The following GRID2 variants were observed in gnomAD, a reference collection of about 807,000 sequenced individuals.
The protein encoded by GRID2 is glutamate receptor ionotropic, delta-2.
A neutral mutation model predicts 114.8 loss-of-function variants in GRID2; 33 were observed. The observed-to-expected ratio is 0.29, with a 90% CI of 0.22 to 0.38. GRID2 has a LOEUF of 0.38. Among genes scored for constraint, GRID2 ranks in the 10% least tolerant of loss-of-function variants. GRID2 has a pLI of 1.00. For missense variants in GRID2, 1,184 were observed against 1,257.7 expected (o/e 0.94, Z 0.89); for synonymous variants, 505 against 449.9 (o/e 1.12, Z -1.55).
chr4:93,768,769 C>T lies in GRID2; in HGVS notation c.2361-441C>T, dbSNP rs370306978. On this transcript the variant is annotated intron_variant, in intron 14 of 15. Transcript: ENST00000282020. ...CAGCATCTTGCTCTAAGCAGCAAAA[C>T]GTTCTTCATAAAAGCATTAAGATCC... Among the ~76,000 whole-genome samples the T allele has an allele frequency of 1.0e-3, 152 of 152,244 alleles. 3 individuals are homozygous for T. In the South Asian group the frequency reaches 0.029, roughly 29 times the overall value.
chr4:92,436,598 A>G (rs952347769), intron 1 of GRID2, among the ~76,000 whole-genome samples: 3 of 152,082 alleles, frequency 2.0e-5, no homozygotes, highest in Non-Finnish European at 4.4e-5. Context: ...GATAGTCTTG[A>G]ACAAGTGCTA....
chr4:93,730,744 G>A lies in GRID2; in HGVS notation c.2361-38466G>A, dbSNP rs1408353481. ...TGGAAAAGTACTGAGTACTGAGTCA[G>A]AGTAGGGACAAATGTCAAGTTTTTC... On this transcript the variant is annotated intron_variant, in intron 14 of 15. Coordinates refer to ENST00000282020, the MANE Select transcript of GRID2 (RefSeq NM_001510.4). Among the ~76,000 whole-genome samples the A allele has an allele frequency of 2.4e-4, 37 of 152,252 alleles. 1 individual carries two copies. The highest frequency in any genetic ancestry group is 1.5e-5 in the Non-Finnish European group (1 of 68,054).
At chr4:93,646,675 G>A (rs1014778726) in intron 14 of GRID2, among the ~76,000 whole-genome samples, 1 of 152,232 alleles carries the variant, frequency 6.6e-6, no homozygotes, top group Admixed American at 6.5e-5. Context: ...AGTAAGAGAA[G>A]TTAGGAAGCC....
chr4:92,881,469 A>C (rs1037840868), intron 2 of GRID2, among the ~76,000 whole-genome samples: 1 of 152,212 alleles, frequency 6.6e-6, no homozygotes, highest in African/African-American at 2.4e-5. Flanking sequence ...AATTAGTGCA[A>C]TATAAAGACA....
intron 6 of GRID2, among the ~76,000 whole-genome samples, chr4:93,220,834 A>G (rs902175637): frequency 2.0e-5 from 3 of 152,180 alleles, no homozygotes; most frequent in African/African-American, 4.8e-5. Context: ...TATTTTTAAA[A>G]CGTCTATCAC....
At chr4:93,584,909 T>C (rs1169136185) in intron 13 of GRID2, among the ~76,000 whole-genome samples, 1 of 152,096 alleles carries the variant, frequency 6.6e-6, no homozygotes, top group Non-Finnish European at 1.5e-5. Context: ...TGCCCTTGAT[T>C]GATGAGAGGA....
intron 9 of GRID2, among the ~76,000 whole-genome samples, chr4:93,402,651 T>C (rs1766009606): frequency 6.6e-6 from 1 of 152,080 alleles, no homozygotes; most frequent in South Asian, 2.1e-4. Context: ...CCACAGGAAC[T>C]CTTCTGCCAG....
intron 13 of GRID2, among the ~76,000 whole-genome samples, chr4:93,612,768 G>A (rs2149666703): frequency 1.1e-5 from 1 of 90,630 alleles, no homozygotes; most frequent in East Asian, 2.5e-4. Flanking sequence ...TTCAACTTTG[G>A]TGAATCTGAC....
At chr4:93,437,681 A>G (rs1721226728) in intron 10 of GRID2, among the ~76,000 whole-genome samples, 1 of 152,106 alleles carries the variant, frequency 6.6e-6, no homozygotes, top group African/African-American at 2.4e-5. Flanking sequence ...ACTGCAATAT[A>G]CTGTACAGTC....
At chr4:92,586,355 T>TACACAC (rs200184543) in intron 1 of GRID2, among the ~76,000 whole-genome samples, 26 of 146,010 alleles carry the variant, frequency 1.8e-4, no homozygotes, top group South Asian at 2.2e-4. Context: ...ACAAAAAATC[T>TACACAC]ACACACACAC....
intron 2 of GRID2, among the ~76,000 whole-genome samples, chr4:92,976,704 C>G (rs966596960): frequency 6.6e-6 from 1 of 152,054 alleles, no homozygotes; most frequent in African/African-American, 2.4e-5. Context: ...TATACTTCTC[C>G]CTATATTAGC....
At chr4:92,411,692 A>G (rs1482440684) in intron 1 of GRID2, among the ~76,000 whole-genome samples, 1 of 108,222 alleles carries the variant, frequency 9.2e-6, no homozygotes, top group African/African-American at 4.0e-5. Flanking sequence ...ATATACCCAC[A>G]GTGTATTTCT....
Position 92,500,394 on chromosome 4 carries a change from A to ATTT in GRID2, c.89-89737_89-89736insTTT, listed in dbSNP as rs796741713. 7.7e-3 allele frequency among the ~76,000 whole-genome samples: 1,170 copies of ATTT among 152,252 alleles called. 11 individuals carry two copies. The highest frequency in any genetic ancestry group is 0.026 in the African/African-American group (1,069 of 41,546). ...ACAAAAGTTAAATTCTTTTAAAAAAAAACATATTTTTATTCACATTCCTTT... is the reference window on the plus strand; with the variant it reads ...ACAAAAGTTAAATTCTTTTAAAAAAATTTAACATATTTTTATTCACATTCCTTT... On this transcript the variant is annotated intron_variant, in intron 1 of 15. Transcript: ENST00000282020.
intron 2 of GRID2, among the ~76,000 whole-genome samples, chr4:92,760,253 A>AG (rs1737933100): frequency 6.6e-6 from 1 of 151,232 alleles, no homozygotes; most frequent in African/African-American, 2.4e-5. Flanking sequence ...AAAAAAAAAA[A>AG]AAAAAAAAGA....
At chr4:93,657,249 G>C (rs1318535329) in intron 14 of GRID2, among the ~76,000 whole-genome samples, 1 of 151,788 alleles carries the variant, frequency 6.6e-6, no homozygotes, top group Non-Finnish European at 1.5e-5. Context: ...TTTGTATATT[G>C]GTAGAAACTC....
At chr4:93,032,021 C>G (rs1177098635) in intron 2 of GRID2, among the ~76,000 whole-genome samples, 2 of 152,034 alleles carry the variant, frequency 1.3e-5, no homozygotes, top group African/African-American at 4.8e-5. Context: ...TTCAAGGGCA[C>G]CAGCAACCTA....
chr4:92,735,936 C>T (rs1736576282), intron 2 of GRID2, among the ~76,000 whole-genome samples: 1 of 151,954 alleles, frequency 6.6e-6, no homozygotes, highest in Non-Finnish European at 1.5e-5. Context: ...AAAGTTCTAG[C>T]TTAAGACCAG....
At chr4:93,381,672 A>G (rs772869347) in intron 8 of GRID2, among the ~76,000 whole-genome samples, 5 of 152,072 alleles carry the variant, frequency 3.3e-5, no homozygotes, top group Admixed American at 6.6e-5. Context: ...TCTCTTTTAC[A>G]TTTCCATACC....
At chr4:93,603,928 A>G (rs1362685487) in intron 13 of GRID2, among the ~76,000 whole-genome samples, 1 of 152,204 alleles carries the variant, frequency 6.6e-6, no homozygotes, top group African/African-American at 2.4e-5. Context: ...CCCATTGACA[A>G]TGCACCTGGT....
Sources: allele counts gnomAD v4.1 joint callset (sites outside exome capture counted in the v4.1 genomes callset), GRCh38; gene constraint gnomAD v4.1.1; transcripts MANE v1.5; gene names NCBI Gene and HGNC (gene_info 2026-07-23, HGNC 2026-07-21).